Variants in LRP5 observed in about 807,000 individuals in gnomAD.
LRP5 encodes LDL receptor related protein 5, also known as low-density lipoprotein receptor-related protein 5.
LRP5 carries 62 observed loss-of-function variants against 154.1 expected under a neutral mutation model. The observed-to-expected ratio is 0.40, with a 90% CI of 0.33 to 0.50. The LOEUF (loss-of-function observed/expected upper bound fraction) is 0.50, where lower values mean the gene tolerates loss of function less well. Among genes scored for constraint, LRP5 ranks in the 20% least tolerant of loss-of-function variants. The pLI, the probability that LRP5 is intolerant of heterozygous loss-of-function variation, is 0.55. For missense variants in LRP5, 1,915 were observed against 2,336.7 expected (o/e 0.82, Z 3.72); for synonymous variants, 966 against 1,011.5 (o/e 0.96, Z 0.85).
chr11:68,397,633 C>G (rs568856984), intron 7 of LRP5, among the ~76,000 whole-genome samples: 3 of 138,976 alleles, frequency 2.2e-5, no homozygotes, highest in Non-Finnish European at 4.8e-5. Context: ...TCGGTTGGCC[C>G]GAGTTCCCAT....
At chr11:68,446,589 G>A in intron 22 of LRP5, 56 bp downstream of exon 22, 1 of 1,448,570 alleles carries the variant, frequency 6.9e-7, no homozygotes, top group Non-Finnish European at 9.7e-7. Flanking sequence ...GCCCGTGGTG[G>A]AGGGGCCTAA....
chr11:68,408,981 T>C (rs566883244), intron 9 of LRP5, among the ~76,000 whole-genome samples: 2 of 145,142 alleles, frequency 1.4e-5, no homozygotes, highest in East Asian at 4.0e-4. Context: ...CCCCAGGAGG[T>C]TGATGCTGCA....
In LRP5 at chr11:68,431,231, C is replaced by CTTTT. The variant is rs34840282; in HGVS notation, c.3763+1553_3763+1556dup. Among the ~76,000 whole-genome samples the CTTTT allele has an allele frequency of 2.5e-3, 230 of 92,944 alleles. 1 individual carries two copies. Among genetic ancestry groups the CTTTT allele is most frequent in the African/African-American group, 5.9e-3 (136 of 23,098 alleles). 61.0% of individuals were successfully genotyped at this position (92,944 alleles called of 152,430 possible). ...CAGCAGCACACACTGGCTGTGCACC[C>CTTTT]TTTTTTTTTTTTTTTTTTTTTTTTT... On this transcript the variant is annotated intron_variant, in intron 17 of 22. Coordinates refer to ENST00000294304, the MANE Select transcript of LRP5 (RefSeq NM_002335.4).
chr11:68,330,626 C>T (rs1056557167), intron 1 of LRP5, among the ~76,000 whole-genome samples: 4 of 152,232 alleles, frequency 2.6e-5, no homozygotes, highest in Admixed American at 1.3e-4. Context: ...TGCATGAAGC[C>T]GTATCACAGA....
At chr11:68,366,190 C>T (rs1429026943) in intron 5 of LRP5, among the ~76,000 whole-genome samples, 3 of 152,098 alleles carry the variant, frequency 2.0e-5, no homozygotes, top group African/African-American at 4.8e-5. Context: ...GAGGGGGTAA[C>T]GAGAGGTGTC....
At position 68,347,938 on chromosome 11, in the gene LRP5, C is replaced by T; in HGVS notation, c.183C>T (p.Gly61=). 6.2e-7 allele frequency: 1 copy of T among 1,613,958 alleles called. No homozygotes were observed. The highest frequency in any genetic ancestry group is 1.1e-5 in the South Asian group (1 of 91,082). ...VKLESTIVVS[G]LEDAAAVDFQ... is the part of the protein sequence containing the mutation. Reference sequence around the variant, plus strand: ...TGGAGTCCACCATCGTGGTCAGCGGCCTGGAGGATGCGGCCGCAGTGGACT... The same window carrying T: ...TGGAGTCCACCATCGTGGTCAGCGGTCTGGAGGATGCGGCCGCAGTGGACT... The change falls in exon 2 of 23, where the codon GGC becomes GGT. Residue 61 remains glycine, a synonymous_variant. Coordinates refer to ENST00000294304, the MANE Select transcript of LRP5 (RefSeq NM_002335.4).
At chr11:68,355,812 G>T (rs1445028801) in intron 2 of LRP5, among the ~76,000 whole-genome samples, 2 of 152,152 alleles carry the variant, frequency 1.3e-5, no homozygotes, top group Non-Finnish European at 2.9e-5. Flanking sequence ...AGCTGCAGCT[G>T]CAGGTTCAGG....
intron 2 of LRP5, 79 bp downstream of exon 2, chr11:68,348,322 A>G (rs2098615225): frequency 6.3e-7 from 1 of 1,576,426 alleles, no homozygotes; most frequent in African/African-American, 1.3e-5. Context: ...CATGAGCCCA[A>G]GTTGTTTTTC....
At chr11:68,322,005 G>A (rs1192692704) in intron 1 of LRP5, among the ~76,000 whole-genome samples, 7 of 152,226 alleles carry the variant, frequency 4.6e-5, no homozygotes, top group Non-Finnish European at 2.9e-5. Context: ...GAAGCTTAAC[G>A]TCCTCACTGT....
At chr11:68,310,731 G>A (rs1460428844), upstream of LRP5, among the ~76,000 whole-genome samples, 1 of 150,288 alleles carries the variant, frequency 6.7e-6, no homozygotes, top group African/African-American at 2.5e-5. Context: ...CTCCAGCCTG[G>A]GCCACAGAGT....
At chr11:68,337,540 G>C (rs1803560407) in intron 1 of LRP5, among the ~76,000 whole-genome samples, 1 of 152,146 alleles carries the variant, frequency 6.6e-6, no homozygotes, top group Non-Finnish European at 1.5e-5. Flanking sequence ...CCTCCTCCAG[G>C]AAGCCTGCCC....
Position 68,413,863 on chromosome 11 carries a change from T to C in LRP5, c.2678T>C (p.Leu893Pro). The C allele has an allele frequency of 6.2e-7, 1 of 1,613,568 alleles. No homozygotes were observed. The highest frequency in any genetic ancestry group is 8.5e-7 in the Non-Finnish European group (1 of 1,180,036). The change falls in exon 12 of 23, where the codon CTG (leucine) becomes CCG (proline). Residue 893 changes from leucine to proline, a missense_variant. Physicochemically the swap from Leu to Pro is moderately conservative, Grantham distance 98. Coordinates refer to ENST00000294304, the MANE Select transcript of LRP5 (RefSeq NM_002335.4). The surrounding 1 kb of genome is among the most constrained non-coding windows in gnomAD (Gnocchi z 5.1). Reference protein sequence around the residue: ...QGHLDFVMDILVFHSSRQDGL... With the variant: ...QGHLDFVMDIPVFHSSRQDGL... The stretch of plus-strand genomic sequence containing the variant: ...CACCTGGACTTCGTGATGGACATCC[T>C]GGTGTTCCACTCCTCCCGCCAGGAT...
chr11:68,414,327 C>G (rs1357448551), intron 12 of LRP5, among the ~76,000 whole-genome samples: 1 of 152,190 alleles, frequency 6.6e-6, no homozygotes. Flanking sequence ...TGAGTGCTTT[C>G]CATAGCGCTC....
At position 68,433,571 on chromosome 11, in the gene LRP5, CG is replaced by C. The variant is rs1338959779; in HGVS notation, c.3764-30del. On this transcript the variant is annotated intron_variant, in intron 17 of 22. Coordinates refer to ENST00000294304, the MANE Select transcript of LRP5 (RefSeq NM_002335.4). ...GCCTGGGTTTTGCTGGGCGGGGCTG[CG>C]TGTGATGTTCTCCTCTGTCCCTCCC... 6.4e-6 allele frequency: 10 copies of C among 1,573,320 alleles called. No homozygotes were observed. The African/African-American group carries it at 1.2e-4, about 19-fold the overall frequency.
At chr11:68,352,995 G>A (rs1023426925) in intron 2 of LRP5, among the ~76,000 whole-genome samples, 3 of 152,132 alleles carry the variant, frequency 2.0e-5, no homozygotes, top group Non-Finnish European at 4.4e-5. Flanking sequence ...ATTGGGAGGT[G>A]CTTGGCATTT....
rs757754971 is a variant in LRP5, at chr11:68,403,659, C to T, written c.1761C>T (p.Asp587=). The T allele has an allele frequency of 6.2e-7, 1 of 1,614,116 alleles. No individual in the cohort carries two copies. ...SRDVIIDQLP[D]LMGLKAVNVA... The stretch of plus-strand genomic sequence containing the variant: ...ACGTCATCATTGACCAGCTGCCCGA[C>T]CTGATGGGGCTCAAAGCTGTGAATG... The change falls in exon 8 of 23, where the codon GAC becomes GAT. Residue 587 remains aspartate, a synonymous_variant. Transcript: ENST00000294304.
At chr11:68,412,474 C>T (rs186694099) in intron 11 of LRP5, among the ~76,000 whole-genome samples, 61 of 151,956 alleles carry the variant, frequency 4.0e-4, no homozygotes, top group African/African-American at 1.4e-3. Flanking sequence ...GACGCCATCT[C>T]TACAAAAAAA....
At chr11:68,357,126 G>A (rs746213519) in intron 2 of LRP5, among the ~76,000 whole-genome samples, 12 of 151,984 alleles carry the variant, frequency 7.9e-5, no homozygotes, top group Non-Finnish European at 1.8e-4. Flanking sequence ...TAGTAGGGAC[G>A]GGGTTTCACT....
chr11:68,340,294 T>A (rs2098608193), intron 1 of LRP5, among the ~76,000 whole-genome samples: 1 of 152,074 alleles, frequency 6.6e-6, no homozygotes, highest in Non-Finnish European at 1.5e-5. Flanking sequence ...GTTTCATGAA[T>A]GAGGAAACTG....
Sources: allele counts gnomAD v4.1 joint callset (sites outside exome capture counted in the v4.1 genomes callset), GRCh38; gene constraint gnomAD v4.1.1; non-coding constraint Gnocchi (gnomAD v3.1); transcripts MANE v1.5; gene names NCBI Gene and HGNC (gene_info 2026-07-23, HGNC 2026-07-21).